Variants in DOCK3 observed in about 807,000 individuals in gnomAD.
The protein encoded by DOCK3 is dedicator of cytokinesis protein 3.
A neutral mutation model predicts 265.6 loss-of-function variants in DOCK3; 60 were observed. The observed-to-expected ratio is 0.23, with a 90% CI of 0.18 to 0.28. DOCK3 has a LOEUF of 0.28. Ranked by LOEUF, DOCK3 falls within the 10% of genes least tolerant of loss-of-function variation. The probability of loss-of-function intolerance (pLI) is 1.00; values close to 1 mark genes in which losing one functional copy is unlikely to be tolerated. For synonymous variants in DOCK3, 881 were observed against 938.0 expected, an observed-to-expected ratio of 0.94 and a Z score of 1.11; for missense variants, 1,981 against 2,594.3, an observed-to-expected ratio of 0.76 and a Z score of 5.14.
Position 51,159,278 on chromosome 3 carries a change from A to G in DOCK3, c.863A>G (p.Tyr288Cys), listed in dbSNP as rs1382092880. 1.2e-6 allele frequency: 2 copies of G among 1,613,562 alleles called. No individual in the cohort carries two copies. Among genetic ancestry groups the G allele is most frequent in the Non-Finnish European group, 1.7e-6 (2 of 1,179,592 alleles). The change falls in exon 11 of 53, where the codon TAT (tyrosine) becomes TGT (cysteine). Residue 288 changes from tyrosine (Y) to cysteine (C), a missense_variant. Around this residue, in one of 4 missense-constraint regions of DOCK3, gnomAD observed 456 missense variants for 539.0 expected, o/e 0.85. Transcript: ENST00000266037. ...AGCAAAGATATGAAGAGAGATTTGT[A>G]TATCGTTGCCCATGTGATCCGAATA... is the stretch of plus-strand genomic sequence containing the variant. The part of the protein sequence containing the change: ...LSSKDMKRDL[Y>C]IVAHVIRIGR...
chr3:50,853,039 A>C (rs887603829), intron 3 of DOCK3, among the ~76,000 whole-genome samples: 3 of 152,184 alleles, frequency 2.0e-5, no homozygotes, highest in Non-Finnish European at 2.9e-5. Context: ...TCTGTTGGAA[A>C]CATTACAGTT....
chr3:51,312,879 T>C lies in DOCK3; in HGVS notation c.3230T>C (p.Leu1077Pro). ...ATGCGTGTAATGATGGCCTATGAAC[T>C]GTTCAGCATGTGGCAGAATTTGGGT... ...GDMRVMMAYE[L>P]FSMWQNLGEH... The change falls in exon 31 of 53, where the codon CTG becomes CCG. Residue 1077 changes from leucine to proline, a missense_variant. This residue lies in a region of DOCK3 where 1,357 missense variants were observed against 1,866.8 expected (regional missense o/e 0.73). Transcript: ENST00000266037. The C allele has an allele frequency of 6.2e-7, 1 of 1,610,320 alleles. No homozygotes were observed. The highest frequency in any genetic ancestry group is 1.1e-5 in the South Asian group (1 of 90,046).
intron 5 of DOCK3, among the ~76,000 whole-genome samples, chr3:51,001,486 T>C (rs2078483167): frequency 6.6e-6 from 1 of 152,186 alleles, no homozygotes. Context: ...GGTGTCAAAG[T>C]TGCCAACTGC....
chr3:50,944,441 ATAGT>A (rs968798859), intron 5 of DOCK3, among the ~76,000 whole-genome samples: 3 of 152,220 alleles, frequency 2.0e-5, no homozygotes, highest in Admixed American at 6.5e-5. Context: ...CATATTTTAA[ATAGT>A]TATTTATGTT....
intron 2 of DOCK3, among the ~76,000 whole-genome samples, chr3:50,792,292 T>C (rs2042521093): frequency 6.6e-6 from 1 of 152,214 alleles, no homozygotes; most frequent in African/African-American, 2.4e-5. Context: ...CTAGTGATTT[T>C]TGCACGTAGA....
chr3:51,160,581 A>G lies in DOCK3; in HGVS notation c.916A>G (p.Lys306Glu). ...CCGGATGCTCCTGAACGACTCAAAG[A>G]AAGGTCCTCCTCACCTGCACTACAG... Reference protein sequence around the residue: ...IGRMLLNDSKKGPPHLHYRRP... With the variant: ...IGRMLLNDSKEGPPHLHYRRP... The change falls in exon 12 of 53, where the codon AAA (lysine) becomes GAA (glutamate). Residue 306 changes from lysine to glutamate, a missense_variant. Coordinates refer to ENST00000266037, the MANE Select transcript of DOCK3 (RefSeq NM_004947.5). 1 of 1,612,318 alleles carries G rather than the reference A, an allele frequency of 6.2e-7. No individual in the cohort carries two copies. Among genetic ancestry groups the G allele is most frequent in the Non-Finnish European group, 8.5e-7 (1 of 1,179,232 alleles).
At chr3:51,151,371 C>T (rs2085585252) in intron 10 of DOCK3, among the ~76,000 whole-genome samples, 1 of 152,118 alleles carries the variant, frequency 6.6e-6, no homozygotes, top group Non-Finnish European at 1.5e-5. Flanking sequence ...GGAAAACTAA[C>T]AAACAGAAAG....
chr3:50,791,704 T>C (rs34055527), intron 2 of DOCK3, among the ~76,000 whole-genome samples: 2 of 152,168 alleles, frequency 1.3e-5, no homozygotes, highest in Non-Finnish European at 2.9e-5. Context: ...TCAATGCTTG[T>C]TTTTGTCAGG....
intron 1 of DOCK3, among the ~76,000 whole-genome samples, chr3:50,691,576 T>TA (rs2035245499): frequency 6.6e-6 from 1 of 152,242 alleles, no homozygotes; most frequent in Non-Finnish European, 1.5e-5. Context: ...TTTGGGTATA[T>TA]ACCAAGAAGT....
Position 51,362,537 on chromosome 3 carries a change from C to G in DOCK3, c.5156C>G (p.Pro1719Arg). 5 of 1,613,992 alleles carry G rather than the reference C, an allele frequency of 3.1e-6. No homozygotes were observed. The highest frequency in any genetic ancestry group is 4.2e-6 in the Non-Finnish European group (5 of 1,179,892). Residue 1719 changes from proline to arginine, a missense_variant, in exon 49 of 53, where the codon CCC becomes CGC. This residue lies in a region of DOCK3 where 1,357 missense variants were observed against 1,866.8 expected (regional missense o/e 0.73). Coordinates refer to ENST00000266037, the MANE Select transcript of DOCK3 (RefSeq NM_004947.5). ...TTTCTCCCTTTGCAGCTCGCGTATCCCAACCCCAGGTACCAAGGCTCAGTC... is the reference window on the plus strand; with the variant it reads ...TTTCTCCCTTTGCAGCTCGCGTATCGCAACCCCAGGTACCAAGGCTCAGTC... ...DLYHHMQLAY[P>R]NPRYQGSVTN...
intron 5 of DOCK3, among the ~76,000 whole-genome samples, chr3:51,060,300 T>G (rs1404682431): frequency 6.6e-6 from 1 of 152,176 alleles, no homozygotes; most frequent in Non-Finnish European, 1.5e-5. Flanking sequence ...GACAAAGTCC[T>G]CCTTAAAATC....
chr3:51,321,422 C>T, intron 32 of DOCK3, among the ~76,000 whole-genome samples: 1 of 152,110 alleles, frequency 6.6e-6, no homozygotes, highest in Non-Finnish European at 1.5e-5. Flanking sequence ...GCCTCTTCTC[C>T]TCCAGAGGAT....
intron 9 of DOCK3, among the ~76,000 whole-genome samples, chr3:51,120,949 T>C (rs2083984873): frequency 1.3e-5 from 2 of 152,174 alleles, no homozygotes; most frequent in South Asian, 4.1e-4. Context: ...CTTCCTGGCT[T>C]CAGCTTCCTT....
At chr3:50,725,270 A>G (rs1236227498) in intron 1 of DOCK3, among the ~76,000 whole-genome samples, 1 of 152,254 alleles carries the variant, frequency 6.6e-6, no homozygotes, top group South Asian at 2.1e-4. Flanking sequence ...TAAGGTTCTC[A>G]TGTTGTTTCT....
At chr3:51,308,237 T>TTA (rs1553848758) in intron 27 of DOCK3, among the ~76,000 whole-genome samples, 53 of 150,402 alleles carry the variant, frequency 3.5e-4, no homozygotes, top group African/African-American at 1.2e-3. Flanking sequence ...TTTTTTTTTT[T>TTA]ATTGATCATT....
chr3:51,337,304 G>A (rs1227778270), intron 35 of DOCK3, among the ~76,000 whole-genome samples: 4 of 152,184 alleles, frequency 2.6e-5, no homozygotes. Context: ...TGCATGATGG[G>A]AAGGTGGGGA....
rs1450700974 is a variant in DOCK3, at chr3:51,381,730, A to G, written c.*171A>G. 7.4e-6 allele frequency: 6 copies of G among 808,862 alleles called. No individual in the cohort carries two copies. The African/African-American group carries it at 8.6e-5, about 12-fold the overall frequency. 50.1% of individuals were successfully genotyped at this position (808,862 alleles called of 1,614,324 possible). A position where few individuals can be genotyped will look rare whatever the true frequency, so the allele number is the denominator to read the frequency against. The stretch of plus-strand genomic sequence containing the variant: ...GCCGTGAACTCATGTGTTGCCATGT[A>G]CAGAGGCCACAGCAGCATGAAGGGT... On this transcript the variant is annotated 3_prime_UTR_variant, in exon 53 of 53. Transcript: ENST00000266037. This position sits in a 1 kb window ranked among gnomAD's most constrained non-coding sequence, Gnocchi z 5.6.
intron 9 of DOCK3, among the ~76,000 whole-genome samples, chr3:51,118,395 G>A (rs1222764144): frequency 2.6e-5 from 4 of 152,108 alleles, no homozygotes; most frequent in Admixed American, 6.5e-5. Context: ...GTCAATTTTC[G>A]AATAAGTGCT....
chr3:51,340,999 G>A lies in DOCK3; in HGVS notation c.3767-238G>A, dbSNP rs182187729. Among the ~76,000 whole-genome samples the A allele has an allele frequency of 4.9e-3, 744 of 152,316 alleles. 5 individuals carry two copies. The highest frequency in any genetic ancestry group is 0.017 in the African/African-American group (704 of 41,556). On this transcript the variant is annotated intron_variant, in intron 37 of 52. Coordinates refer to ENST00000266037, the MANE Select transcript of DOCK3 (RefSeq NM_004947.5). ...TTTATTAATCTGGAGGCTGGAACAG[G>A]TGACCAGGCCATGGAAGGAAGGTGT... is the stretch of plus-strand genomic sequence containing the variant.
Sources: gnomAD v4.1 joint callset for allele counts (sites outside exome capture counted in the v4.1 genomes callset) on GRCh38, gnomAD v4.1.1 for gene constraint, gnomAD v4.1.1 regional missense constraint, Gnocchi (gnomAD v3.1) non-coding constraint, MANE v1.5 for transcripts, NCBI Gene and HGNC (gene_info 2026-07-23, HGNC 2026-07-21) for gene names.